ISG20: variants seen among roughly 807,000 people sequenced by gnomAD.
ISG20 encodes interferon stimulated exonuclease gene 20.
In ISG20, 8 loss-of-function variants were observed where a neutral mutation model predicts 11.1. The ratio of observed to expected loss-of-function variants is 0.72; its 90% CI spans 0.42 to 1.30. The LOEUF is 1.30. Ranked by LOEUF, ISG20 falls within the 50% of genes most tolerant of loss-of-function variation. ISG20 has a pLI of 0.01. For synonymous variants in ISG20, 110 were observed against 101.7 expected (o/e 1.08, Z -0.49); for missense variants, 243 against 250.2 (o/e 0.97, Z 0.19).
intron 2 of ISG20, chr15:88,649,492 G>C (rs1347402347): frequency 6.6e-6 from 1 of 152,356 alleles, no homozygotes; most frequent in Non-Finnish European, 1.5e-5. Flanking sequence ...TGTGAACTGG[G>C]CCTGAGCCAA....
At chr15:88,637,702 A>G (rs953545508), upstream of ISG20, among the ~76,000 whole-genome samples, 2 of 152,118 alleles carry the variant, frequency 1.3e-5, no homozygotes, top group African/African-American at 2.4e-5. Context: ...GTTGCAGCAA[A>G]CATGTTCCTG....
rs2058365862 is a variant in ISG20 at position 88,655,695 on chromosome 15, G to A, written c.*164G>A. On this transcript the variant is annotated 3_prime_UTR_variant, in exon 4 of 4. Transcript: ENST00000306072. ...TTCTTCTCTCCAAGCTGGGTTAACA[G>A]TAGACAGGACCCATTTCTGTGTGAT... The A allele has an allele frequency of 8.9e-6, 5 of 558,814 alleles. No individual in the cohort carries two copies. Among genetic ancestry groups the A allele is most frequent in the Non-Finnish European group, 1.6e-5 (5 of 315,978 alleles). 34.6% of individuals were successfully genotyped at this position (558,814 alleles called of 1,614,324 possible). A position where few individuals can be genotyped will look rare whatever the true frequency, so the allele number is the denominator to read the frequency against.
At position 88,639,129 on chromosome 15, in the gene ISG20, C is replaced by T. The variant is rs1009979470; in HGVS notation, c.-25+53C>T. On this transcript the variant is annotated intron_variant, in intron 1 of 3. Coordinates refer to ENST00000306072, the MANE Select transcript of ISG20 (RefSeq NM_002201.6). This position sits in a 1 kb window ranked among gnomAD's most constrained non-coding sequence, Gnocchi z 4.2. ...GGGGAGGCAGCGGGAGGGGCCTTCC[C>T]GGTCCCCAGGCTGCGGGGCAGGCCA... 7.1e-6 allele frequency: 4 copies of T among 566,134 alleles called. No individual in the cohort carries two copies. The highest frequency in any genetic ancestry group is 4.4e-5 in the South Asian group (2 of 45,290). The allele number at this position is 566,134 out of a possible 1,614,324, so 35.1% of individuals were successfully genotyped here.
chr15:88,655,016 T>C (rs1319695334), intron 3 of ISG20, among the ~76,000 whole-genome samples: 1 of 152,210 alleles, frequency 6.6e-6, no homozygotes, highest in Non-Finnish European at 1.5e-5. Flanking sequence ...TTGACGCCCT[T>C]GTGTTCTCTC....
Position 88,652,238 on chromosome 15 carries a change from G to A in ISG20, c.357G>A (p.Glu119=), listed in dbSNP as rs777820346. The A allele has an allele frequency of 6.2e-7, 1 of 1,614,054 alleles. No individual in the cohort carries two copies. The highest frequency in any genetic ancestry group is 1.1e-5 in the South Asian group (1 of 91,082). ...CCACTGACAGGCTGTTGTGGCGTGA[G>A]GCCAAGCTGGACCACTGCAGGCGTG... is the stretch of plus-strand genomic sequence containing the variant. The part of the protein sequence containing the change: ...DTSTDRLLWR[E]AKLDHCRRVS... Residue 119 remains glutamate, a synonymous_variant, in exon 3 of 4, where the codon GAG becomes GAA. Coordinates refer to ENST00000306072, the MANE Select transcript of ISG20 (RefSeq NM_002201.6).
intron 3 of ISG20, among the ~76,000 whole-genome samples, chr15:88,653,020 G>T (rs144372588): frequency 1.3e-5 from 2 of 152,160 alleles, no homozygotes; most frequent in Admixed American, 6.5e-5. Context: ...GGATATGGGG[G>T]GTTGGGAGTT....
chr15:88,646,893 C>T (rs2058183784), intron 2 of ISG20: 2 of 152,324 alleles, frequency 1.3e-5, no homozygotes, highest in African/African-American at 2.4e-5. Flanking sequence ...GTCTCAGCCT[C>T]CTGAGTAGCT....
rs1032460800 is a variant in ISG20 at position 88,650,120 on chromosome 15, G to A, written c.229-1990G>A. 190 of 834,262 alleles carry A rather than the reference G, an allele frequency of 2.3e-4. 1 individual carries two copies. The highest frequency in any genetic ancestry group is 3.7e-4 in the African/African-American group (22 of 59,916). 51.7% of individuals were successfully genotyped at this position (834,262 alleles called of 1,614,324 possible). A position where few individuals can be genotyped will look rare whatever the true frequency, so the allele number is the denominator to read the frequency against. On this transcript the variant is annotated intron_variant, in intron 2 of 3. Coordinates refer to ENST00000306072, the MANE Select transcript of ISG20 (RefSeq NM_002201.6). The surrounding 1 kb of genome is among the most constrained non-coding windows in gnomAD (Gnocchi z 4.0). ...CTTTCCTGGTGTACAGGCTAAGGTC[G>A]TGGGCTACATGCAGAGAAGGAGACG...
At chr15:88,653,329 C>T (rs2058318929) in intron 3 of ISG20, among the ~76,000 whole-genome samples, 1 of 152,070 alleles carries the variant, frequency 6.6e-6, no homozygotes, top group Admixed American at 6.6e-5. Context: ...CTGAACAGAG[C>T]CTGGAGGGTC....
rs1137166 is a variant in ISG20, at chr15:88,652,295, A to G, written c.414A>G (p.Leu138=). 1,357,597 of 1,609,996 alleles carry G rather than the reference A, an allele frequency of 0.84. 573,908 individuals carry two copies. The highest frequency in any genetic ancestry group is 0.9 in the Middle Eastern group (5,459 of 6,046). ...VSLRVLSERL[L]HKSIQNSLLG... ...TGCGGGTGCTGAGTGAGCGCCTCCT[A>G]CACAAGAGCATCCAGGTGAGAACCT... is the stretch of plus-strand genomic sequence containing the variant. The change falls in exon 3 of 4, where the codon CTA becomes CTG. Residue 138 remains leucine (L), a synonymous_variant. Coordinates refer to ENST00000306072, the MANE Select transcript of ISG20 (RefSeq NM_002201.6).
At position 88,645,183 on chromosome 15, in the gene ISG20, A is replaced by G. The variant is rs115302364; in HGVS notation, c.228+5589A>G. Among the ~76,000 whole-genome samples the G allele has an allele frequency of 5.0e-3, 763 of 152,228 alleles. 6 individuals are homozygous for G. The highest frequency in any genetic ancestry group is 0.017 in the African/African-American group (717 of 41,526). On this transcript the variant is annotated intron_variant, in intron 2 of 3. Transcript: ENST00000306072. ...CTTCTCAGTTCCTGCTCCATCACCT[A>G]TAGGTTTGTACAATTGTCAGCAAGT...
In ISG20 at chr15:88,639,495, C is replaced by T. The variant is rs142387462; in HGVS notation, c.129C>T (p.Ile43=). The T allele has an allele frequency of 4.0e-3, 6,439 of 1,614,172 alleles. 26 individuals are homozygous for T. The highest frequency in any genetic ancestry group is 8.2e-3 in the Middle Eastern group (50 of 6,062). The change falls in exon 2 of 4, where the codon ATC becomes ATT. Residue 43 remains isoleucine (I), a synonymous_variant. Coordinates refer to ENST00000306072, the MANE Select transcript of ISG20 (RefSeq NM_002201.6). This position sits in a 1 kb window ranked among gnomAD's most constrained non-coding sequence, Gnocchi z 4.2. Reference sequence around the variant, plus strand: ...GTGCTGTGCTGTACGACAAGTTCATCCGGCCTGAGGGAGAGATCACCGATT... The same window carrying T: ...GTGCTGTGCTGTACGACAAGTTCATTCGGCCTGAGGGAGAGATCACCGATT... ...VHGAVLYDKF[I]RPEGEITDYR...
intron 2 of ISG20, among the ~76,000 whole-genome samples, chr15:88,644,138 T>C (rs1338984066): frequency 2.0e-5 from 3 of 152,126 alleles, no homozygotes; most frequent in African/African-American, 4.8e-5. Flanking sequence ...TAGGGAGCCA[T>C]TGAAGATTCT....
At chr15:88,653,255 G>A (rs559631158) in intron 3 of ISG20, among the ~76,000 whole-genome samples, 101 of 152,294 alleles carry the variant, frequency 6.6e-4, no homozygotes, top group African/African-American at 2.4e-3. Context: ...AGTGTGTGAC[G>A]GAGGGAAGGG....
upstream of ISG20, chr15:88,638,850 C>T (rs571757724): frequency 1.4e-3 from 230 of 166,012 alleles, 1 homozygote; most frequent in Non-Finnish European, 2.8e-3. Flanking sequence ...TGACTCGGCC[C>T]GGAGCTGAGC....
At position 88,646,482 on chromosome 15, in the gene ISG20, G is replaced by A. The variant is rs1174569942; in HGVS notation, c.229-5628G>A. Among the ~76,000 whole-genome samples the A allele has an allele frequency of 3.9e-5, 6 of 152,168 alleles. 1 individual carries two copies. Among genetic ancestry groups the A allele is most frequent in the African/African-American group, 1.2e-4 (5 of 41,440 alleles). ...TAAGTGTCCAATGTATGTAAGGGGC[G>A]AGGTCCTGCATAGCACATGGGTGGA... On this transcript the variant is annotated intron_variant, in intron 2 of 3. Transcript: ENST00000306072.
At chr15:88,652,050 C>T (rs2141404563) in intron 2 of ISG20, 60 bp from the exon 3 acceptor site, 3 of 1,607,590 alleles carry the variant, frequency 1.9e-6, no homozygotes, top group Non-Finnish European at 2.6e-6. Context: ...CCTTGCCAGC[C>T]CCAGCCCCAC....
intron 2 of ISG20, among the ~76,000 whole-genome samples, chr15:88,642,701 C>G (rs948177124): frequency 6.6e-6 from 1 of 152,186 alleles, no homozygotes; most frequent in Admixed American, 6.5e-5. Flanking sequence ...ACTACAACCT[C>G]CATCTCCCAG....
intron 2 of ISG20, chr15:88,648,838 C>G (rs1880277207): frequency 6.6e-6 from 1 of 152,132 alleles, no homozygotes; most frequent in African/African-American, 2.4e-5. Context: ...AATAAATGTC[C>G]CATCCCCCAG....
Sources: gnomAD v4.1 joint callset for allele counts (sites outside exome capture counted in the v4.1 genomes callset) on GRCh38, gnomAD v4.1.1 for gene constraint, Gnocchi (gnomAD v3.1) non-coding constraint, MANE v1.5 for transcripts, NCBI Gene and HGNC (gene_info 2026-07-23, HGNC 2026-07-21) for gene names.